SCHIP1: variants seen among roughly 807,000 people sequenced by gnomAD.
The protein encoded by SCHIP1 is schwannomin interacting protein 1, also known as schwannomin-interacting protein 1.
SCHIP1 carries 8 observed loss-of-function variants against 29.7 expected under a neutral mutation model. The observed-to-expected ratio is 0.27, with a 90% confidence interval of 0.16 to 0.49. The LOEUF is 0.49. Among genes scored for constraint, SCHIP1 ranks in the 20% least tolerant of loss-of-function variants. The pLI, the probability that SCHIP1 is intolerant of heterozygous loss-of-function variation, is 0.99. For missense variants in SCHIP1, 193 were observed against 294.6 expected, an observed-to-expected ratio of 0.66 and a Z score of 2.52; for synonymous variants, 76 against 94.9, an observed-to-expected ratio of 0.80 and a Z score of 1.16.
the SCHIP1 span, among the ~76,000 whole-genome samples, chr3:159,488,607 T>C: frequency 6.6e-6 from 1 of 152,166 alleles, no homozygotes; most frequent in Non-Finnish European, 1.5e-5. Flanking sequence ...GGGTGAGCAC[T>C]GGCTGCCAAG....
the SCHIP1 span, among the ~76,000 whole-genome samples, chr3:159,340,154 G>A: frequency 2.0e-5 from 3 of 151,946 alleles, no homozygotes; most frequent in African/African-American, 7.2e-5. Context: ...TTAGAGACTT[G>A]AGCAACATTA....
At chr3:159,607,891 A>G in the SCHIP1 span, among the ~76,000 whole-genome samples, 1 of 152,316 alleles carries the variant, frequency 6.6e-6, no homozygotes, top group African/African-American at 2.4e-5. Context: ...TGAGGGAAGG[A>G]AAAAAAGCTG....
chr3:159,641,216 A>T, the SCHIP1 span, among the ~76,000 whole-genome samples: 5 of 152,100 alleles, frequency 3.3e-5, no homozygotes, highest in African/African-American at 9.7e-5. Context: ...CCTCTATCTC[A>T]TCCCTCCAAC....
chr3:159,388,912 T>C, the SCHIP1 span, among the ~76,000 whole-genome samples: 1 of 152,114 alleles, frequency 6.6e-6, no homozygotes. Flanking sequence ...AAATTCCAGA[T>C]GGCCTAACAA....
At chr3:159,394,692 T>C in the SCHIP1 span, among the ~76,000 whole-genome samples, 2 of 152,204 alleles carry the variant, frequency 1.3e-5, no homozygotes, top group African/African-American at 4.8e-5. Context: ...ATAAGCTTTT[T>C]GATGTGCTGC....
At chr3:159,693,899 T>C in the SCHIP1 span, among the ~76,000 whole-genome samples, 1 of 152,158 alleles carries the variant, frequency 6.6e-6, no homozygotes, top group Non-Finnish European at 1.5e-5. Flanking sequence ...TAGAGCTGAG[T>C]GTACGTGTGT....
the SCHIP1 span, among the ~76,000 whole-genome samples, chr3:159,520,124 T>C: frequency 2.1e-5 from 3 of 144,090 alleles, no homozygotes; most frequent in African/African-American, 7.7e-5. Flanking sequence ...AACTCCCAGC[T>C]CAGTGGAGAA....
intron 1 of SCHIP1, among the ~76,000 whole-genome samples, chr3:159,851,468 T>C (rs1184047866): frequency 1.3e-5 from 2 of 152,154 alleles, no homozygotes; most frequent in Admixed American, 6.5e-5. Context: ...TAATATCTAC[T>C]CCAAAAGATT....
chr3:159,766,975 G>A, the SCHIP1 span, among the ~76,000 whole-genome samples: 1 of 152,076 alleles, frequency 6.6e-6, no homozygotes, highest in African/African-American at 2.4e-5. Flanking sequence ...TTGCATATTT[G>A]CATATTTGGG....
At chr3:159,759,225 T>C in the SCHIP1 span, among the ~76,000 whole-genome samples, 1 of 152,200 alleles carries the variant, frequency 6.6e-6, no homozygotes, top group African/African-American at 2.4e-5. Context: ...TAGGTGTACA[T>C]AGAATCCATC....
At chr3:159,398,027 G>T in the SCHIP1 span, among the ~76,000 whole-genome samples, 1 of 152,170 alleles carries the variant, frequency 6.6e-6, no homozygotes, top group Admixed American at 6.5e-5. Flanking sequence ...TAATCTCCTG[G>T]TGTGCTGTTT....
At chr3:159,327,684 T>C in the SCHIP1 span, among the ~76,000 whole-genome samples, 5 of 152,328 alleles carry the variant, frequency 3.3e-5, no homozygotes, top group Middle Eastern at 6.8e-3. Context: ...CTTCATACAT[T>C]TTCCCTCAAG....
At chr3:159,450,753 A>G in the SCHIP1 span, among the ~76,000 whole-genome samples, 1 of 152,126 alleles carries the variant, frequency 6.6e-6, no homozygotes, top group African/African-American at 2.4e-5. Flanking sequence ...TTACATGAAC[A>G]AAATTATGAC....
chr3:159,809,157 G>A, the SCHIP1 span, among the ~76,000 whole-genome samples: 1 of 143,350 alleles, frequency 7.0e-6, no homozygotes, highest in Non-Finnish European at 1.5e-5. Context: ...CCCGCAACAG[G>A]CCCCAGTGTG....
the SCHIP1 span, among the ~76,000 whole-genome samples, chr3:159,500,199 C>T: frequency 1.8e-4 from 28 of 151,858 alleles, no homozygotes; most frequent in South Asian, 3.3e-3. Flanking sequence ...TGCGTATACA[C>T]GAAATGTCAC....
At chr3:159,698,422 T>G in the SCHIP1 span, among the ~76,000 whole-genome samples, 1 of 152,318 alleles carries the variant, frequency 6.6e-6, no homozygotes, top group Middle Eastern at 3.4e-3. Flanking sequence ...AATTTTGGCA[T>G]GTAGTCCATC....
chr3:159,459,376 G>A, the SCHIP1 span, among the ~76,000 whole-genome samples: 1 of 152,076 alleles, frequency 6.6e-6, no homozygotes, highest in African/African-American at 2.4e-5. Flanking sequence ...GCTTTTCCAG[G>A]CTTCTTGCTC....
chr3:159,797,469 G>T, the SCHIP1 span, among the ~76,000 whole-genome samples: 1 of 152,078 alleles, frequency 6.6e-6, no homozygotes, highest in South Asian at 2.1e-4. Flanking sequence ...CTAATTCTGT[G>T]CTATATTTTG....
At chr3:159,791,863 C>A in the SCHIP1 span, among the ~76,000 whole-genome samples, 1 of 152,018 alleles carries the variant, frequency 6.6e-6, no homozygotes, top group East Asian at 1.9e-4. Flanking sequence ...CAGATTATTC[C>A]CCAGTGATTA....
Sources: allele counts gnomAD v4.1 joint callset (sites outside exome capture counted in the v4.1 genomes callset), GRCh38; gene constraint gnomAD v4.1.1; transcripts MANE v1.5; gene names NCBI Gene and HGNC (gene_info 2026-07-23, HGNC 2026-07-21).